The following SLC30A3 variants were observed in gnomAD, a reference collection of about 807,000 sequenced individuals.
The protein encoded by SLC30A3 is solute carrier family 30 member 3.
A neutral mutation model predicts 35.6 loss-of-function variants in SLC30A3; 20 were observed. The ratio of observed to expected loss-of-function variants is 0.56; its 90% CI spans 0.39 to 0.82. The LOEUF (loss-of-function observed/expected upper bound fraction) is 0.82. SLC30A3 is among the 40% of genes least tolerant of loss of function. SLC30A3 has a pLI of 0.00. For synonymous variants in SLC30A3, 217 were observed against 224.7 expected, an observed-to-expected ratio of 0.97 and a Z score of 0.31; for missense variants, 401 against 530.6, an observed-to-expected ratio of 0.76 and a Z score of 2.40.
Position 27,262,748 on chromosome 2 carries a change from C to T in SLC30A3, c.95+64G>A, listed in dbSNP as rs954928068. ...CCGGGGCCCGCGCCGAGAGAGACAA[C>T]GAAATGGACGGAGGGTAGTAGGGTG... On this transcript the variant is annotated intron_variant, in intron 1 of 7. Transcript: ENST00000233535. The surrounding 1 kb of genome is among the most constrained non-coding windows in gnomAD (Gnocchi z 7.5). 1.3e-5 allele frequency: 18 copies of T among 1,417,830 alleles called. No individual in the cohort carries two copies. The East Asian group carries it at 3.9e-4, about 31-fold the overall frequency. 87.8% of individuals were successfully genotyped at this position (1,417,830 alleles called of 1,614,324 possible). A position where few individuals can be genotyped will look rare whatever the true frequency, so the allele number is the denominator to read the frequency against.
In SLC30A3 at chr2:27,255,257, TGA is replaced by T. The variant is rs758571100; in HGVS notation, c.*53_*54del. 4 of 1,610,346 alleles carry T rather than the reference TGA, an allele frequency of 2.5e-6. No homozygotes were observed. In the Admixed American group the frequency reaches 5.0e-5, roughly 20 times the overall value. On this transcript the variant is annotated 3_prime_UTR_variant, in exon 8 of 8. Transcript: ENST00000233535. This position sits in a 1 kb window ranked among gnomAD's most constrained non-coding sequence, Gnocchi z 5.2. Reference sequence around the variant, plus strand: ...TCTCTGTGATCAGGGCAGCAGATGCTGAGAGTCTGGGGCTGAGCCTCGGCCTG... The same window carrying T: ...TCTCTGTGATCAGGGCAGCAGATGCTGAGTCTGGGGCTGAGCCTCGGCCTG...
rs1676739042 is a variant in SLC30A3 at position 27,254,760 on chromosome 2, AC to A, written c.*551del. On this transcript the variant is annotated 3_prime_UTR_variant, in exon 8 of 8. Transcript: ENST00000233535. Reference sequence around the variant, plus strand: ...AGACACACAGGCCACAGCACCAAGAACACACACACACACACACACACACACA... The same window carrying A: ...AGACACACAGGCCACAGCACCAAGAAACACACACACACACACACACACACA... 7.0e-5 allele frequency: 2 copies of A among 28,520 alleles called. No homozygotes were observed. The highest frequency in any genetic ancestry group is 9.0e-4 in the Admixed American group (2 of 2,212). 1.8% of individuals were successfully genotyped at this position (28,520 alleles called of 1,614,324 possible).
intron 1 of SLC30A3, among the ~76,000 whole-genome samples, chr2:27,274,554 AG>A (rs1269188144): frequency 6.6e-6 from 1 of 152,188 alleles, no homozygotes; most frequent in African/African-American, 2.4e-5. Flanking sequence ...TACCTCCTGT[AG>A]AAACTCACAG....
chr2:27,269,431 T>A (rs528056776), intron 1 of SLC30A3, among the ~76,000 whole-genome samples: 133 of 152,062 alleles, frequency 8.7e-4, no homozygotes, highest in African/African-American at 3.0e-3. Flanking sequence ...ATGGTCTCGA[T>A]CTCCTGACCT....
exon 1 of SLC30A3, chr2:27,275,322 G>A (rs1339139237): frequency 3.6e-6 from 3 of 823,208 alleles, no homozygotes; most frequent in Admixed American, 2.4e-5. Context: ...ACGCTGCCTT[G>A]GGCCGCAGGC....
Position 27,258,272 on chromosome 2 carries a change from C to T in SLC30A3, c.313G>A (p.Asp105Asn), listed in dbSNP as rs1460102107. Residue 105 changes from aspartate to asparagine, a missense_variant, in exon 3 of 8, where the codon GAT (aspartate) becomes AAT (asparagine). By Grantham distance (23) the Asp-to-Asn change is conservative. This residue lies in a region of SLC30A3 where 296 missense variants were observed against 392.6 expected (regional missense o/e 0.75). Coordinates refer to ENST00000233535, the MANE Select transcript of SLC30A3 (RefSeq NM_003459.5). This position sits in a 1 kb window ranked among gnomAD's most constrained non-coding sequence, Gnocchi z 4.0. ...YLAHSLAIMT[D>N]AAHLLADVGS... ...ACATCCGCCAGCAAGTGGGCTGCAT[C>T]GGTCATGATGGCCAGGCTGTGTGCC... 5.8e-6 allele frequency: 9 copies of T among 1,541,200 alleles called. No homozygotes were observed. Among genetic ancestry groups the T allele is most frequent in the Non-Finnish European group, 7.9e-6 (9 of 1,142,350 alleles).
At chr2:27,263,108 C>A, upstream of SLC30A3, 2 of 1,347,234 alleles carry the variant, frequency 1.5e-6, no homozygotes, top group Non-Finnish European at 9.5e-7. Context: ...CCGCGTGGGG[C>A]GAGCTCCCCA....
Position 27,254,552 on chromosome 2 carries a change from T to G in SLC30A3, c.*760A>C. On this transcript the variant is annotated 3_prime_UTR_variant, in exon 8 of 8. Transcript: ENST00000233535. ...TATTTGACTTCCCCCTCCTGAGGAG[T>G]CAGCACACAGGCTGAAAGATGCAGT... is the stretch of plus-strand genomic sequence containing the variant. 1 of 152,006 alleles carries G rather than the reference T, an allele frequency of 6.6e-6. No individual in the cohort carries two copies. Among genetic ancestry groups the G allele is most frequent in the Admixed American group, 6.6e-5 (1 of 15,220 alleles). 9.4% of individuals were successfully genotyped at this position (152,006 alleles called of 1,614,324 possible).
At position 27,256,251 on chromosome 2, in the gene SLC30A3, T is replaced by C. The variant is rs181238913; in HGVS notation, c.1018+135A>G. The C allele has an allele frequency of 1.3e-5, 13 of 1,009,630 alleles. 1 individual carries two copies. The African/African-American group carries it at 1.9e-4, about 15-fold the overall frequency. The allele number at this position is 1,009,630 out of a possible 1,614,324, so 62.5% of individuals were successfully genotyped here. ...ATGTGTGTGTGTGTGTATGTGTCTA[T>C]GTGAGAGAGAGAGACACAGAGAAAC... is the stretch of plus-strand genomic sequence containing the variant. On this transcript the variant is annotated intron_variant, in intron 7 of 7. Transcript: ENST00000233535.
intron 1 of SLC30A3, among the ~76,000 whole-genome samples, chr2:27,269,861 C>A (rs995887656): frequency 1.3e-5 from 2 of 150,404 alleles, no homozygotes; most frequent in Non-Finnish European, 3.0e-5. Flanking sequence ...GTCTCAAAAA[C>A]AAAAAATAAA....
Position 27,257,160 on chromosome 2 carries a change from G to A in SLC30A3, c.771C>T (p.Tyr257=). The change falls in exon 5 of 8, where the codon TAC becomes TAT. Residue 257 remains tyrosine (Y), a synonymous_variant. Coordinates refer to ENST00000233535, the MANE Select transcript of SLC30A3 (RefSeq NM_003459.5). This position sits in a 1 kb window ranked among gnomAD's most constrained non-coding sequence, Gnocchi z 4.7. ...AGGTCTCCAATGATGGTACCTTGAA[G>A]TAGATGAGGATGGAGGCAGCCAGTA... The part of the protein sequence containing the change: ...FGVLAASILI[Y]FKPQYKAADP... 14 of 1,613,884 alleles carry A rather than the reference G, an allele frequency of 8.7e-6. No individual in the cohort carries two copies. The highest frequency in any genetic ancestry group is 1.2e-5 in the Non-Finnish European group (14 of 1,179,836).
rs1180450360 is a variant in SLC30A3 at position 27,257,016 on chromosome 2, G to A, written c.778-123C>T. ...ACCCTGAAGAGGGGACAGGGAACAT[G>A]ACTCATGTCTGGGAGAGTCCTGGGA... On this transcript the variant is annotated intron_variant, in intron 5 of 7. Coordinates refer to ENST00000233535, the MANE Select transcript of SLC30A3 (RefSeq NM_003459.5). The surrounding 1 kb of genome is among the most constrained non-coding windows in gnomAD (Gnocchi z 4.7). 2 of 1,129,838 alleles carry A rather than the reference G, an allele frequency of 1.8e-6. No homozygotes were observed. The highest frequency in any genetic ancestry group is 4.7e-5 in the East Asian group (2 of 42,458). 70.0% of individuals were successfully genotyped at this position (1,129,838 alleles called of 1,614,324 possible).
chr2:27,256,039 G>T, intron 7 of SLC30A3: 1 of 314,628 alleles, frequency 3.2e-6, no homozygotes, highest in Non-Finnish European at 6.0e-6. Context: ...TAACAGTTAT[G>T]TGATACCTCA....
rs146881159 is a variant in SLC30A3, at chr2:27,257,808, G to T, written c.578+97C>A. The T allele has an allele frequency of 1.1e-5, 13 of 1,235,412 alleles. No individual in the cohort carries two copies. The highest frequency in any genetic ancestry group is 1.4e-5 in the Non-Finnish European group (12 of 872,556). The allele number at this position is 1,235,412 out of a possible 1,614,324, so 76.5% of individuals were successfully genotyped here. On this transcript the variant is annotated intron_variant, in intron 4 of 7. Coordinates refer to ENST00000233535, the MANE Select transcript of SLC30A3 (RefSeq NM_003459.5). This position sits in a 1 kb window ranked among gnomAD's most constrained non-coding sequence, Gnocchi z 4.7. ...CATGGAGAGCTGTGTGTGCGTGTCT[G>T]TGTGTCTGGTGGGGAGGAGAGAGCC...
chr2:27,270,352 C>A (rs1232851331), intron 1 of SLC30A3, among the ~76,000 whole-genome samples: 1 of 151,844 alleles, frequency 6.6e-6, no homozygotes. Flanking sequence ...TTTTGGATAG[C>A]CAGAGGGCAG....
chr2:27,257,022 T>C lies in SLC30A3; in HGVS notation c.778-129A>G. 8.7e-7 allele frequency: 1 copy of C among 1,146,236 alleles called. No homozygotes were observed. Among genetic ancestry groups the C allele is most frequent in the Non-Finnish European group, 1.3e-6 (1 of 768,362 alleles). 71.0% of individuals were successfully genotyped at this position (1,146,236 alleles called of 1,614,324 possible). ...AAGAGGGGACAGGGAACATGACTCA[T>C]GTCTGGGAGAGTCCTGGGAGGTGGG... On this transcript the variant is annotated intron_variant, in intron 5 of 7. Transcript: ENST00000233535. This position sits in a 1 kb window ranked among gnomAD's most constrained non-coding sequence, Gnocchi z 4.7.
chr2:27,267,062 G>A (rs113619472), upstream of SLC30A3, among the ~76,000 whole-genome samples: 261 of 152,066 alleles, frequency 1.7e-3, no homozygotes, highest in Non-Finnish European at 3.2e-3. Flanking sequence ...TGATTGTCAC[G>A]CCATCCTGAA....
intron 1 of SLC30A3, among the ~76,000 whole-genome samples, chr2:27,274,321 C>G (rs1220398522): frequency 6.6e-6 from 1 of 152,008 alleles, no homozygotes; most frequent in African/African-American, 2.4e-5. Flanking sequence ...TGAGACTCCA[C>G]CTCAAAACAC....
At chr2:27,268,868 G>A (rs1352228541) in intron 1 of SLC30A3, among the ~76,000 whole-genome samples, 1 of 152,166 alleles carries the variant, frequency 6.6e-6, no homozygotes, top group Non-Finnish European at 1.5e-5. Context: ...TAGTAAGATG[G>A]AAGCATGCTT....
Sources: gnomAD v4.1 joint callset for allele counts (sites outside exome capture counted in the v4.1 genomes callset) on GRCh38, gnomAD v4.1.1 for gene constraint, gnomAD v4.1.1 regional missense constraint, Gnocchi (gnomAD v3.1) non-coding constraint, MANE v1.5 for transcripts, NCBI Gene and HGNC (gene_info 2026-07-23, HGNC 2026-07-21) for gene names.